Variants in SBNO2 observed in about 807,000 individuals in gnomAD.
SBNO2 encodes protein strawberry notch homolog 2.
SBNO2 carries 89 observed loss-of-function variants against 146.3 expected under a neutral mutation model. That is an observed-to-expected ratio of 0.61 (90% CI 0.51 to 0.73). The LOEUF is 0.73. SBNO2 is among the 30% of genes least tolerant of loss of function. SBNO2 has a pLI of 0.00. For missense variants in SBNO2, 2,092 were observed against 2,003.7 expected, an observed-to-expected ratio of 1.04 and a Z score of -0.84; for synonymous variants, 1,147 against 892.6, an observed-to-expected ratio of 1.29 and a Z score of -5.08.
chr19:1,108,708 C>T lies in SBNO2; in HGVS notation c.3617-4G>A, dbSNP rs1568546109. On this transcript the variant is annotated splice_region_variant and splice_polypyrimidine_tract_variant and intron_variant, in intron 31 of 31. Transcript: ENST00000361757. Reference sequence around the variant, plus strand: ...CAGCCCTCGGGGATCTTGATGCCTGCGGGCAGAGCGTCGGGGTCAGGGCCG... The same window carrying T: ...CAGCCCTCGGGGATCTTGATGCCTGTGGGCAGAGCGTCGGGGTCAGGGCCG... The T allele has an allele frequency of 1.9e-5, 30 of 1,553,934 alleles. No individual in the cohort carries two copies. Among genetic ancestry groups the T allele is most frequent in the Non-Finnish European group, 2.3e-5 (27 of 1,158,268 alleles).
intron 4 of SBNO2, chr19:1,132,316 G>C: frequency 7.7e-7 from 1 of 1,297,570 alleles, no homozygotes. Flanking sequence ...TCTAAGGCCG[G>C]GGCTGACTTT....
At chr19:1,124,870 G>A (rs2079947428) in intron 5 of SBNO2, among the ~76,000 whole-genome samples, 2 of 152,292 alleles carry the variant, frequency 1.3e-5, no homozygotes, top group Admixed American at 6.5e-5. Flanking sequence ...TGTAAAGCCT[G>A]TGAACGGGTG....
Position 1,122,810 on chromosome 19 carries a change from C to T in SBNO2, c.781-19G>A, listed in dbSNP as rs933523615. Reference sequence around the variant, plus strand: ...CGTGTTGCTGTTGCCGGAGAGCAGGCGTCAGGGCCTGGGGGTGCTGGCCCG... The same window carrying T: ...CGTGTTGCTGTTGCCGGAGAGCAGGTGTCAGGGCCTGGGGGTGCTGGCCCG... On this transcript the variant is annotated intron_variant, in intron 8 of 31. Coordinates refer to ENST00000361757, the MANE Select transcript of SBNO2 (RefSeq NM_014963.3). The T allele has an allele frequency of 1.2e-5, 19 of 1,538,032 alleles. No individual in the cohort carries two copies. The highest frequency in any genetic ancestry group is 2.4e-5 in the East Asian group (1 of 40,994).
chr19:1,139,303 C>T (rs1057195975), intron 4 of SBNO2, among the ~76,000 whole-genome samples: 2 of 151,814 alleles, frequency 1.3e-5, no homozygotes, highest in African/African-American at 4.8e-5. Context: ...GCCACAGAGA[C>T]GGGAAGGGGA....
chr19:1,123,126 C>A (rs2079923751), intron 7 of SBNO2, 81 bp from the exon 8 acceptor site: 20 of 1,500,260 alleles, frequency 1.3e-5, no homozygotes, highest in Non-Finnish European at 1.8e-5. Context: ...CTGGGCGGGT[C>A]TGGGGCGTGG....
In SBNO2 at chr19:1,116,924, G is replaced by A. The variant is rs749397983; in HGVS notation, c.1707C>T (p.Cys569=). ...LAREELARDK[C]VVIGLQSTGE... ...CCGTGGACTGCAGCCCGATGACCAC[G>A]CACTGTGGGACGGCAGAGGACTGTG... The change falls in exon 16 of 32, where the codon TGC becomes TGT. Residue 569 remains cysteine (C), a splice_region_variant and synonymous_variant. Coordinates refer to ENST00000361757, the MANE Select transcript of SBNO2 (RefSeq NM_014963.3). 1.7e-5 allele frequency: 26 copies of A among 1,555,042 alleles called. No homozygotes were observed. Among genetic ancestry groups the A allele is most frequent in the East Asian group, 4.7e-5 (2 of 42,248 alleles).
chr19:1,161,048 C>A (rs1014095045), intron 1 of SBNO2, among the ~76,000 whole-genome samples: 1 of 119,818 alleles, frequency 8.3e-6, no homozygotes, highest in East Asian at 2.3e-4. Context: ...ACAGCCAGAC[C>A]GGGAGCACCG....
chr19:1,172,296 C>T (rs1053780336), intron 1 of SBNO2, among the ~76,000 whole-genome samples: 1 of 152,206 alleles, frequency 6.6e-6, no homozygotes, highest in Non-Finnish European at 1.5e-5. Context: ...CCATCCCACC[C>T]ACCAAGGGGT....
At chr19:1,123,799 C>G in intron 6 of SBNO2, 143 bp downstream of exon 6, 1 of 1,059,018 alleles carries the variant, frequency 9.4e-7, no homozygotes, top group Non-Finnish European at 1.4e-6. Context: ...CCCCCAGGGC[C>G]TCCATCTCCT....
chr19:1,169,693 C>T (rs2080459589), intron 1 of SBNO2, among the ~76,000 whole-genome samples: 1 of 152,156 alleles, frequency 6.6e-6, no homozygotes, highest in Non-Finnish European at 1.5e-5. Context: ...GACCAGTTCC[C>T]GGGGACACCG....
At position 1,112,262 on chromosome 19, in the gene SBNO2, T is replaced by C; in HGVS notation, c.2555A>G (p.Tyr852Cys). The C allele has an allele frequency of 6.3e-7, 1 of 1,592,422 alleles. No individual in the cohort carries two copies. Among genetic ancestry groups the C allele is most frequent in the Non-Finnish European group, 8.5e-7 (1 of 1,170,110 alleles). Residue 852 changes from tyrosine (Y) to cysteine (C), a missense_variant, in exon 22 of 32, where the codon TAT becomes TGT. Coordinates refer to ENST00000361757, the MANE Select transcript of SBNO2 (RefSeq NM_014963.3). This position sits in a 1 kb window ranked among gnomAD's most constrained non-coding sequence, Gnocchi z 5.9. ...HRSNQVSAPEYVFLISELAGE... is the reference protein window; with the variant it reads ...HRSNQVSAPECVFLISELAGE... The stretch of plus-strand genomic sequence containing the variant: ...GGCCAGCTCCGAGATGAGGAAGACA[T>C]ACTCTGGCGCGGAGACCTGGTTGGA...
In SBNO2 at chr19:1,112,106, G is replaced by A. The variant is rs1356942780; in HGVS notation, c.2629-39C>T. The A allele has an allele frequency of 1.9e-6, 3 of 1,610,250 alleles. No homozygotes were observed. In the African/African-American group the frequency reaches 4.0e-5, roughly 21 times the overall value. ...GGAGGCCATCAGTTGGTCACCTGGG[G>A]TCTGGCCTCTAGCACCCCACAAAGC... is the stretch of plus-strand genomic sequence containing the variant. On this transcript the variant is annotated intron_variant, in intron 22 of 31. Coordinates refer to ENST00000361757, the MANE Select transcript of SBNO2 (RefSeq NM_014963.3). This position sits in a 1 kb window ranked among gnomAD's most constrained non-coding sequence, Gnocchi z 5.9.
At chr19:1,115,731 GA>G in intron 17 of SBNO2, 1 of 523,292 alleles carries the variant, frequency 1.9e-6, no homozygotes, top group East Asian at 3.5e-5. Context: ...CGGAAGGTGG[GA>G]GGGGTCTCGC....
chr19:1,142,802 A>G (rs1269769093), intron 4 of SBNO2, among the ~76,000 whole-genome samples: 5 of 152,150 alleles, frequency 3.3e-5, no homozygotes, highest in Admixed American at 6.5e-5. Context: ...TCCCATCTCT[A>G]CTAAAAATAT....
chr19:1,129,733 C>T (rs757337852), intron 4 of SBNO2, among the ~76,000 whole-genome samples: 21 of 152,162 alleles, frequency 1.4e-4, no homozygotes, highest in Non-Finnish European at 2.9e-4. Flanking sequence ...CAGCCAGGAG[C>T]GGGGGTGAGT....
At chr19:1,160,749 C>T (rs917072346) in intron 1 of SBNO2, among the ~76,000 whole-genome samples, 1 of 152,150 alleles carries the variant, frequency 6.6e-6, no homozygotes, top group Non-Finnish European at 1.5e-5. Flanking sequence ...AGGCTGGTCT[C>T]GAACTGCCGA....
intron 4 of SBNO2, among the ~76,000 whole-genome samples, chr19:1,143,820 G>A (rs1357208830): frequency 6.6e-6 from 1 of 151,892 alleles, no homozygotes; most frequent in Non-Finnish European, 1.5e-5. Flanking sequence ...TCCCTGTGAG[G>A]ACACTGGGCC....
chr19:1,133,868 A>T (rs1175836303), intron 4 of SBNO2, among the ~76,000 whole-genome samples: 1 of 152,190 alleles, frequency 6.6e-6, no homozygotes, highest in East Asian at 1.9e-4. Flanking sequence ...GCTGCTGAGG[A>T]CGCGGGGCAG....
chr19:1,127,755 T>C lies in SBNO2; in HGVS notation c.290A>G (p.Tyr97Cys). 1 of 1,613,078 alleles carries C rather than the reference T, an allele frequency of 6.2e-7. No homozygotes were observed. Among genetic ancestry groups the C allele is most frequent in the African/African-American group, 1.3e-5 (1 of 74,926 alleles). The change falls in exon 5 of 32, where the codon TAT becomes TGT. Residue 97 changes from tyrosine to cysteine, a missense_variant. Transcript: ENST00000361757. ...GGAGATGTTGGAGAAGTCCTCAAAA[T>C]AGGAGGAGTCCTGGAAGACAAGGCC... ...KTCDFAQDSSYFEDFSNISIF... is the reference protein window; with the variant it reads ...KTCDFAQDSSCFEDFSNISIF...
Sources: allele counts gnomAD v4.1 joint callset (sites outside exome capture counted in the v4.1 genomes callset), GRCh38; gene constraint gnomAD v4.1.1; non-coding constraint Gnocchi (gnomAD v3.1); transcripts MANE v1.5; gene names NCBI Gene and HGNC (gene_info 2026-07-23, HGNC 2026-07-21).